The following LRIG1 variants were observed in gnomAD, a reference collection of about 807,000 sequenced individuals.
LRIG1 encodes leucine rich repeats and immunoglobulin like domains 1.
A neutral mutation model predicts 99.2 loss-of-function variants in LRIG1; 48 were observed. That is an observed-to-expected ratio of 0.48 (90% CI 0.38 to 0.62). The LOEUF is 0.62. LRIG1 is among the 20% of genes least tolerant of loss of function. The pLI, the probability that LRIG1 is intolerant of heterozygous loss-of-function variation, is 0.00. For synonymous variants in LRIG1, 772 were observed against 596.1 expected, an observed-to-expected ratio of 1.29 and a Z score of -4.30; for missense variants, 1,646 against 1,434.4, an observed-to-expected ratio of 1.15 and a Z score of -2.38.
rs772496799 is a variant in LRIG1, at chr3:66,405,768, G to C, written c.1080-490C>G. On this transcript the variant is annotated intron_variant, in intron 8 of 18. Transcript: ENST00000273261. The stretch of plus-strand genomic sequence containing the variant: ...GCCTCCGTACCAGCCAGTGGGTCTG[G>C]AGCCCGGAGCCCATCTCCTCCCAAG... 5.1e-6 allele frequency: 6 copies of C among 1,174,340 alleles called. No homozygotes were observed. The Admixed American group carries it at 1.4e-4, about 27-fold the overall frequency. 72.7% of individuals were successfully genotyped at this position (1,174,340 alleles called of 1,614,324 possible).
chr3:66,407,503 G>C lies in LRIG1; in HGVS notation c.936-12C>G, dbSNP rs372650674. ...TGAAGGACAGGACCCTGAGGAAAGGGAGGGCAGCAATGTCACCATCTAGTG... is the reference window on the plus strand; with the variant it reads ...TGAAGGACAGGACCCTGAGGAAAGGCAGGGCAGCAATGTCACCATCTAGTG... On this transcript the variant is annotated splice_polypyrimidine_tract_variant and intron_variant, in intron 7 of 18. Coordinates refer to ENST00000273261, the MANE Select transcript of LRIG1 (RefSeq NM_015541.3). The C allele has an allele frequency of 6.2e-7, 1 of 1,613,524 alleles. No individual in the cohort carries two copies. Among genetic ancestry groups the C allele is most frequent in the Non-Finnish European group, 8.5e-7 (1 of 1,179,672 alleles).
At chr3:66,417,319 C>A in intron 3 of LRIG1, 53 bp from the exon 4 acceptor site, 1 of 1,583,424 alleles carries the variant, frequency 6.3e-7, no homozygotes, top group Non-Finnish European at 8.6e-7. Context: ...AAAGTAACTA[C>A]AAGAAACTAG....
At chr3:66,424,708 T>G (rs1702923171) in intron 3 of LRIG1, among the ~76,000 whole-genome samples, 1 of 152,228 alleles carries the variant, frequency 6.6e-6, no homozygotes, top group East Asian at 1.9e-4. Flanking sequence ...ATTATCTTTA[T>G]AGGCAGCCCC....
intron 3 of LRIG1, among the ~76,000 whole-genome samples, chr3:66,419,913 C>T (rs973058444): frequency 4.6e-5 from 7 of 152,148 alleles, no homozygotes; most frequent in African/African-American, 1.7e-4. Flanking sequence ...GATAACCATG[C>T]CCATGGGCTA....
At chr3:66,405,676 G>A (rs917222871) in intron 8 of LRIG1, 1 of 1,071,906 alleles carries the variant, frequency 9.3e-7, no homozygotes, top group Non-Finnish European at 1.2e-6. Flanking sequence ...CCCTTTTCTG[G>A]ACATGACCGA....
intron 3 of LRIG1, among the ~76,000 whole-genome samples, chr3:66,446,050 AT>A (rs1046677513): frequency 1.3e-4 from 20 of 152,182 alleles, no homozygotes; most frequent in African/African-American, 4.8e-4. Context: ...TCACTCTTTA[AT>A]TACACTTTAA....
chr3:66,386,507 GA>G, intron 12 of LRIG1: 1 of 569,210 alleles, frequency 1.8e-6, no homozygotes, highest in Admixed American at 3.1e-5. Context: ...TGTGAGTACT[GA>G]TCACCTTTAT....
chr3:66,391,409 A>G (rs967072413), intron 12 of LRIG1, among the ~76,000 whole-genome samples: 2 of 152,264 alleles, frequency 1.3e-5, no homozygotes, highest in African/African-American at 4.8e-5. Flanking sequence ...AATGTCCATC[A>G]TCTGATAAAC....
chr3:66,419,224 A>G (rs746871167), intron 3 of LRIG1, among the ~76,000 whole-genome samples: 13 of 152,146 alleles, frequency 8.5e-5, no homozygotes, highest in Non-Finnish European at 1.5e-4. Flanking sequence ...TGCAGGCCCA[A>G]CATCTCTCCC....
chr3:66,460,577 GGA>G (rs1236997132), intron 2 of LRIG1, among the ~76,000 whole-genome samples: 1 of 152,218 alleles, frequency 6.6e-6, no homozygotes, highest in African/African-American at 2.4e-5. Flanking sequence ...TGCACACAGA[GGA>G]GAGACCACGT....
rs894210392 is a variant in LRIG1, at chr3:66,407,620, CGT to C, written c.936-131_936-130del. On this transcript the variant is annotated intron_variant, in intron 7 of 18. Coordinates refer to ENST00000273261, the MANE Select transcript of LRIG1 (RefSeq NM_015541.3). ...ACACAGATGCACACGCACGCGCGTG[CGT>C]GCACACACACACCCACACCCACAGA... 8.6e-5 allele frequency: 81 copies of C among 943,582 alleles called. 1 individual carries two copies. Among genetic ancestry groups the C allele is most frequent in the Middle Eastern group, 6.6e-4 (2 of 3,020 alleles). The allele number at this position is 943,582 out of a possible 1,614,324, so 58.5% of individuals were successfully genotyped here. A position where few individuals can be genotyped will look rare whatever the true frequency, so the allele number is the denominator to read the frequency against.
At chr3:66,406,831 T>C (rs1281736194) in intron 8 of LRIG1, among the ~76,000 whole-genome samples, 2 of 152,230 alleles carry the variant, frequency 1.3e-5, no homozygotes, top group Non-Finnish European at 2.9e-5. Flanking sequence ...CAGGATTCCC[T>C]AAGTGCTGCT....
chr3:66,463,156 G>C (rs1323157228), intron 1 of LRIG1, among the ~76,000 whole-genome samples: 3 of 152,064 alleles, frequency 2.0e-5, no homozygotes, highest in African/African-American at 4.8e-5. Flanking sequence ...GTCAATCCTA[G>C]GATTCAGAGG....
intron 13 of LRIG1, among the ~76,000 whole-genome samples, chr3:66,385,616 C>A (rs142631931): frequency 6.6e-6 from 1 of 152,088 alleles, no homozygotes; most frequent in Non-Finnish European, 1.5e-5. Flanking sequence ...CCACACCTGG[C>A]TAATTTTTGT....
At chr3:66,457,256 TC>T (rs1185175809) in intron 2 of LRIG1, among the ~76,000 whole-genome samples, 3 of 152,202 alleles carry the variant, frequency 2.0e-5, no homozygotes, top group Admixed American at 6.5e-5. Context: ...CGATTTTTTT[TC>T]TTTTCTTCAA....
chr3:66,410,317 CT>C, intron 6 of LRIG1, 45 bp from the exon 7 acceptor site: 1 of 1,551,412 alleles, frequency 6.4e-7, no homozygotes, highest in South Asian at 1.2e-5. Context: ...CTTTCACTCC[CT>C]TCACTGGACA....
At chr3:66,444,304 C>A (rs1286465890) in intron 3 of LRIG1, among the ~76,000 whole-genome samples, 1 of 152,188 alleles carries the variant, frequency 6.6e-6, no homozygotes, top group East Asian at 1.9e-4. Context: ...AAATATGTAA[C>A]AGTCATGGGC....
chr3:66,429,755 T>G (rs1703095173), intron 3 of LRIG1, among the ~76,000 whole-genome samples: 1 of 151,726 alleles, frequency 6.6e-6, no homozygotes, highest in Admixed American at 6.6e-5. Flanking sequence ...ACCACACTAA[T>G]GCAAGATGTT....
rs547121911 is a variant in LRIG1, at chr3:66,476,247, G to A, written c.219-13738C>T. Reference sequence around the variant, plus strand: ...AAGAGTCACACCTAGGCATGTCTAAGTGTGACTTACACTGCAGGATTAATT... The same window carrying A: ...AAGAGTCACACCTAGGCATGTCTAAATGTGACTTACACTGCAGGATTAATT... On this transcript the variant is annotated intron_variant, in intron 1 of 18. Transcript: ENST00000273261. Among the ~76,000 whole-genome samples the A allele has an allele frequency of 2.0e-5, 3 of 152,248 alleles. No individual in the cohort carries two copies. The South Asian group carries it at 6.2e-4, about 32-fold the overall frequency.
Sources: gnomAD v4.1 joint callset for allele counts (sites outside exome capture counted in the v4.1 genomes callset) on GRCh38, gnomAD v4.1.1 for gene constraint, MANE v1.5 for transcripts, NCBI Gene and HGNC (gene_info 2026-07-23, HGNC 2026-07-21) for gene names.